Variants in NBEA observed in about 807,000 individuals in gnomAD.
The protein encoded by NBEA is neurobeachin.
In NBEA, 44 loss-of-function variants were observed where a neutral mutation model predicts 343.4. The ratio of observed to expected loss-of-function variants is 0.13; its 90% confidence interval spans 0.10 to 0.16. The LOEUF (loss-of-function observed/expected upper bound fraction) is 0.16. NBEA is among the 10% of genes least tolerant of loss of function. The probability of loss-of-function intolerance (pLI) is 1.00; values close to 1 mark genes in which losing one functional copy is unlikely to be tolerated. For synonymous variants in NBEA, 1,175 were observed against 1,238.7 expected, an observed-to-expected ratio of 0.95 and a Z score of 1.08; for missense variants, 2,555 against 3,631.3, an observed-to-expected ratio of 0.70 and a Z score of 7.62.
chr13:35,247,157 T>C (rs1031770707), intron 34 of NBEA, among the ~76,000 whole-genome samples: 1 of 152,142 alleles, frequency 6.6e-6, no homozygotes, highest in Non-Finnish European at 1.5e-5. Flanking sequence ...CAGCATCAAG[T>C]TTGTTTCCAG....
intron 52 of NBEA, among the ~76,000 whole-genome samples, chr13:35,650,927 T>C (rs1334491173): frequency 6.6e-6 from 1 of 152,222 alleles, no homozygotes; most frequent in Non-Finnish European, 1.5e-5. Flanking sequence ...CAGTGATTTA[T>C]ATCCTAGCTT....
At chr13:35,109,839 AAAAT>A (rs1342045621) in intron 12 of NBEA, among the ~76,000 whole-genome samples, 2 of 151,952 alleles carry the variant, frequency 1.3e-5, no homozygotes, top group South Asian at 2.1e-4. Context: ...TACTAATTTA[AAAAT>A]AAATATATAC....
At chr13:35,660,303 T>C (rs2085025673) in intron 55 of NBEA, among the ~76,000 whole-genome samples, 1 of 152,232 alleles carries the variant, frequency 6.6e-6, no homozygotes, top group Admixed American at 6.5e-5. Context: ...TTATACCACA[T>C]ACAAGGTGCT....
chr13:35,424,726 A>G (rs542393805), intron 38 of NBEA, among the ~76,000 whole-genome samples: 1 of 152,182 alleles, frequency 6.6e-6, no homozygotes, highest in Non-Finnish European at 1.5e-5. Context: ...AAGGAATGGT[A>G]CCAGCTCCTC....
At chr13:35,030,933 T>G (rs2062190480) in intron 1 of NBEA, among the ~76,000 whole-genome samples, 1 of 151,642 alleles carries the variant, frequency 6.6e-6, no homozygotes, top group Non-Finnish European at 1.5e-5. Context: ...TATTAATTGT[T>G]AATTCCTTTC....
chr13:35,617,768 A>C (rs931819028), intron 48 of NBEA, among the ~76,000 whole-genome samples: 4 of 152,188 alleles, frequency 2.6e-5, no homozygotes, highest in African/African-American at 4.8e-5. Context: ...TACTACTAGG[A>C]AATGATCATA....
intron 44 of NBEA, among the ~76,000 whole-genome samples, chr13:35,556,671 G>A (rs2079586133): frequency 1.3e-5 from 2 of 151,688 alleles, no homozygotes; most frequent in South Asian, 4.2e-4. Context: ...TTCTTAATTT[G>A]AACTCAAAAA....
intron 10 of NBEA, among the ~76,000 whole-genome samples, chr13:35,076,578 T>G (rs2064128152): frequency 6.6e-6 from 1 of 152,030 alleles, no homozygotes; most frequent in Non-Finnish European, 1.5e-5. Context: ...TCTCTGTAAA[T>G]TTTTCTTTGT....
rs773697457 is a variant in NBEA, at chr13:35,041,377, ATGT to A, written c.526+218_526+220del. ...CTATAGTAGACAAACATAATTACTA[ATGT>A]TGTTTTCTAAATTTTAGAAAATCTC... On this transcript the variant is annotated intron_variant, in intron 2 of 58. Transcript: ENST00000379939. Among the ~76,000 whole-genome samples, 14 of 152,184 alleles carry A rather than the reference ATGT, an allele frequency of 9.2e-5. 1 individual carries two copies. In the East Asian group the frequency reaches 2.5e-3, roughly 27 times the overall value.
At chr13:35,016,969 T>C (rs769225939) in intron 1 of NBEA, among the ~76,000 whole-genome samples, 1 of 152,136 alleles carries the variant, frequency 6.6e-6, no homozygotes. Flanking sequence ...ATTGGTGAGG[T>C]AGACATGAGT....
At chr13:35,406,559 G>A (rs1400104298) in intron 38 of NBEA, among the ~76,000 whole-genome samples, 1 of 152,066 alleles carries the variant, frequency 6.6e-6, no homozygotes, top group Non-Finnish European at 1.5e-5. Flanking sequence ...ATGAGGTTTG[G>A]TTTTCCATTC....
intron 36 of NBEA, among the ~76,000 whole-genome samples, chr13:35,319,074 T>G (rs1433673206): frequency 6.6e-6 from 1 of 152,196 alleles, no homozygotes; most frequent in Non-Finnish European, 1.5e-5. Context: ...TTGATTTTTT[T>G]GAAGGGTTTT....
chr13:35,511,406 G>GT (rs2077271385), intron 41 of NBEA, among the ~76,000 whole-genome samples: 1 of 152,076 alleles, frequency 6.6e-6, no homozygotes, highest in Non-Finnish European at 1.5e-5. Flanking sequence ...CTCAGAACAC[G>GT]TAAGTACTTT....
chr13:34,956,359 A>G (rs2059491013), intron 1 of NBEA, among the ~76,000 whole-genome samples: 1 of 151,960 alleles, frequency 6.6e-6, no homozygotes, highest in Non-Finnish European at 1.5e-5. Flanking sequence ...AAGAGCAAAA[A>G]AACAATGGTT....
At chr13:35,203,819 T>C (rs753374642) in intron 31 of NBEA, among the ~76,000 whole-genome samples, 2 of 152,216 alleles carry the variant, frequency 1.3e-5, no homozygotes, top group Admixed American at 1.3e-4. Flanking sequence ...ACTTTGATGA[T>C]AACTTTTACA....
At chr13:35,404,847 A>G (rs534521106) in intron 38 of NBEA, among the ~76,000 whole-genome samples, 2 of 152,302 alleles carry the variant, frequency 1.3e-5, no homozygotes, top group African/African-American at 4.8e-5. Flanking sequence ...TGTGATACGA[A>G]ATAAATATTA....
intron 41 of NBEA, among the ~76,000 whole-genome samples, chr13:35,512,821 C>G (rs9574065): frequency 0.13 from 19,724 of 152,208 alleles, 1,541 homozygotes; most frequent in East Asian, 0.45. Flanking sequence ...GAGGAGGTAC[C>G]TTGCGGTCCT....
chr13:35,464,101 T>C (rs189446342), intron 40 of NBEA, among the ~76,000 whole-genome samples: 262 of 152,056 alleles, frequency 1.7e-3, no homozygotes, highest in Admixed American at 2.9e-3. Flanking sequence ...GATGAACAAA[T>C]ATATAGGTGA....
chr13:35,349,228 G>A lies in NBEA; in HGVS notation c.6012+12G>A. Reference sequence around the variant, plus strand: ...ATGCAGAGTTTGAGGTAAGGTTTTGGGAGTAGACTAAATTCTGCCTTTCTA... The same window carrying A: ...ATGCAGAGTTTGAGGTAAGGTTTTGAGAGTAGACTAAATTCTGCCTTTCTA... On this transcript the variant is annotated intron_variant, in intron 37 of 58. Transcript: ENST00000379939. 6.7e-7 allele frequency: 1 copy of A among 1,494,122 alleles called. No homozygotes were observed. The highest frequency in any genetic ancestry group is 9.2e-7 in the Non-Finnish European group (1 of 1,087,030). The allele number at this position is 1,494,122 out of a possible 1,614,324, so 92.6% of individuals were successfully genotyped here.
Sources: allele counts gnomAD v4.1 joint callset (sites outside exome capture counted in the v4.1 genomes callset), GRCh38; gene constraint gnomAD v4.1.1; transcripts MANE v1.5; gene names NCBI Gene and HGNC (gene_info 2026-07-23, HGNC 2026-07-21).